Variants in TECTB observed in about 807,000 individuals in gnomAD.
TECTB encodes the protein beta-tectorin.
In TECTB, 45 loss-of-function variants were observed where a neutral mutation model predicts 43.3. The observed-to-expected ratio is 1.04, with a 90% CI of 0.82 to 1.33. The LOEUF (loss-of-function observed/expected upper bound fraction) is 1.33, where lower values mean the gene tolerates loss of function less well. Among genes scored for constraint, TECTB ranks in the 40% most tolerant of loss-of-function variants. TECTB has a pLI of 0.00. For synonymous variants in TECTB, 169 were observed against 156.7 expected (o/e 1.08, Z -0.59); for missense variants, 399 against 404.7 (o/e 0.99, Z 0.12).
chr10:112,291,096 A>G (rs552129610), intron 5 of TECTB, among the ~76,000 whole-genome samples: 63 of 152,172 alleles, frequency 4.1e-4, no homozygotes, highest in Non-Finnish European at 8.2e-4. Context: ...CTAGCAACCC[A>G]TCACCCAGGT....
intron 3 of TECTB, 138 bp downstream of exon 3, chr10:112,284,863 C>A (rs904828967): frequency 1.4e-6 from 1 of 706,116 alleles, no homozygotes; most frequent in Non-Finnish European, 2.1e-6. Flanking sequence ...TCCCAAATAT[C>A]CTGGAATGTT....
At chr10:112,286,857 G>A (rs920961999) in intron 5 of TECTB, among the ~76,000 whole-genome samples, 3 of 152,156 alleles carry the variant, frequency 2.0e-5, no homozygotes, top group African/African-American at 7.2e-5. Flanking sequence ...GGGAGGCGGA[G>A]GTTGCAGTGA....
Position 112,299,572 on chromosome 10 carries a change from TCTCTGTTTTC to T in TECTB, c.907+20_907+29del, listed in dbSNP as rs11279253. The T allele has an allele frequency of 0.59, 957,257 of 1,610,914 alleles. 286,362 individuals are homozygous for T. The highest frequency in any genetic ancestry group is 0.69 in the East Asian group (30,750 of 44,734). On this transcript the variant is annotated intron_variant, in intron 9 of 10. Transcript: ENST00000646139. ...TGGAGCTCTCCCTGCGGAGTAAGCG[TCTCTGTTTTC>T]CTCTGTTTTCCAAACGGTTGAGTTC...
intron 6 of TECTB, 62 bp from the exon 7 acceptor site, chr10:112,293,916 T>A: frequency 6.2e-7 from 1 of 1,606,512 alleles, no homozygotes; most frequent in Non-Finnish European, 8.5e-7. Flanking sequence ...TTTTTAATCA[T>A]CAGATGTTTG....
intron 10 of TECTB, chr10:112,302,334 G>A: frequency 1.9e-6 from 1 of 527,668 alleles, no homozygotes; most frequent in East Asian, 3.2e-5. Flanking sequence ...AGAGAGGGAG[G>A]AACCGAAGGT....
Position 112,284,568 on chromosome 10 carries a change from T to A in TECTB, c.110T>A (p.Ile37Asn). The change falls in exon 3 of 11, where the codon ATC becomes AAC. Residue 37 changes from isoleucine (I) to asparagine (N), a missense_variant. Transcript: ENST00000646139. ...VILVFCYPKT[I>N]ITKIPECPYG... Reference sequence around the variant, plus strand: ...CTTGTGTTTTGCTATCCCAAAACCATCATCACCAAAATCCCCGAGTGTCCC... The same window carrying A: ...CTTGTGTTTTGCTATCCCAAAACCAACATCACCAAAATCCCCGAGTGTCCC... 1 of 1,611,920 alleles carries A rather than the reference T, an allele frequency of 6.2e-7. No homozygotes were observed. The highest frequency in any genetic ancestry group is 8.5e-7 in the Non-Finnish European group (1 of 1,178,968).
intron 7 of TECTB, among the ~76,000 whole-genome samples, chr10:112,296,965 AC>A (rs1236855159): frequency 2.0e-5 from 3 of 152,046 alleles, no homozygotes; most frequent in African/African-American, 7.2e-5. Context: ...AGACCCTGCT[AC>A]CCCGTGCTAC....
Position 112,293,737 on chromosome 10 carries a change from G to C in TECTB, c.484-1G>C. ...TGCCCAGTGTCAATTTCCTTCCAAA[G>C]AATGCCAAGTTCTCCATCAAGAAAG... is the stretch of plus-strand genomic sequence containing the variant. On this transcript the variant is annotated splice_acceptor_variant, in intron 5 of 10. Transcript: ENST00000646139. LOFTEE classifies it high-confidence loss of function. 6.2e-7 allele frequency: 1 copy of C among 1,613,836 alleles called. No homozygotes were observed. Among genetic ancestry groups the C allele is most frequent in the Non-Finnish European group, 8.5e-7 (1 of 1,179,784 alleles).
Position 112,286,163 on chromosome 10 carries a change from C to T in TECTB, c.360C>T (p.Ser120=), listed in dbSNP as rs1404009004. Residue 120 remains serine, a synonymous_variant, in exon 4 of 11, where the codon TCC becomes TCT. Coordinates refer to ENST00000646139, the MANE Select transcript of TECTB (RefSeq NM_058222.3). ...ACCAGCCTGTCAACTACTCCTTCTC[C>T]TGCACCTACCACTCCACCTACTTGG... ...VKNQPVNYSF[S]CTYHSTYLVN... The T allele has an allele frequency of 6.2e-7, 1 of 1,614,078 alleles. No homozygotes were observed. The highest frequency in any genetic ancestry group is 8.5e-7 in the Non-Finnish European group (1 of 1,180,032).
intron 3 of TECTB, among the ~76,000 whole-genome samples, chr10:112,285,713 G>A (rs895508755): frequency 2.6e-5 from 4 of 152,188 alleles, no homozygotes; most frequent in Admixed American, 6.5e-5. Context: ...TTGGAGATGG[G>A]TGAAGCATTC....
chr10:112,302,386 T>C (rs974432599), intron 10 of TECTB: 22 of 437,200 alleles, frequency 5.0e-5, no homozygotes, highest in Admixed American at 3.7e-4. Flanking sequence ...CCCCAAGTCT[T>C]AGTAAAGCCA....
chr10:112,298,202 T>C lies in TECTB; in HGVS notation c.805T>C (p.Cys269Arg), dbSNP rs1256928448. Residue 269 changes from cysteine (C) to arginine (R), a missense_variant, in exon 8 of 11, where the codon TGC becomes CGC. Physicochemically the swap from Cys to Arg is radical, Grantham distance 180. Transcript: ENST00000646139. ...GTGGTTACACTGTGAGACGTTCATC[T>C]GCGACAGTGAGAAACTCTCCTGCCC... ...KVWLHCETFI[C>R]DSEKLSCPVT... The C allele has an allele frequency of 6.2e-7, 1 of 1,614,194 alleles. No homozygotes were observed. The highest frequency in any genetic ancestry group is 8.5e-7 in the Non-Finnish European group (1 of 1,180,006).
Position 112,286,156 on chromosome 10 carries a change from C to T in TECTB, c.353C>T (p.Ser118Phe), listed in dbSNP as rs1470883495. Residue 118 changes from serine to phenylalanine, a missense_variant, in exon 4 of 11, where the codon TCC becomes TTC. Transcript: ENST00000646139. ...VIVKNQPVNY[S>F]FSCTYHSTYL... ...GTAAAAAACCAGCCTGTCAACTACT[C>T]CTTCTCCTGCACCTACCACTCCACC... is the stretch of plus-strand genomic sequence containing the variant. 6.2e-7 allele frequency: 1 copy of T among 1,614,186 alleles called. No homozygotes were observed. Among genetic ancestry groups the T allele is most frequent in the East Asian group, 2.2e-5 (1 of 44,882 alleles).
Position 112,299,496 on chromosome 10 carries a change from G to A in TECTB, c.839G>A (p.Cys280Tyr), listed in dbSNP as rs148677379. ...TCTGCCTCTCTGGGTCTTCAGACCT[G>A]CGATAAACGGAAGCGCCTCCTGCGA... ...DSEKLSCPVT[C>Y]DKRKRLLRDQ... The change falls in exon 9 of 11, where the codon TGC (cysteine) becomes TAC (tyrosine). Residue 280 changes from cysteine (C) to tyrosine (Y), a missense_variant. Coordinates refer to ENST00000646139, the MANE Select transcript of TECTB (RefSeq NM_058222.3). The A allele has an allele frequency of 6.2e-7, 1 of 1,614,204 alleles. No individual in the cohort carries two copies. The highest frequency in any genetic ancestry group is 8.5e-7 in the Non-Finnish European group (1 of 1,180,032).
intron 5 of TECTB, 106 bp downstream of exon 5, chr10:112,286,497 C>A: frequency 8.3e-7 from 1 of 1,202,796 alleles, no homozygotes. Flanking sequence ...GTGCAGAGCC[C>A]CATTCTTAAA....
At chr10:112,296,444 C>G (rs980094498) in intron 7 of TECTB, among the ~76,000 whole-genome samples, 2 of 152,186 alleles carry the variant, frequency 1.3e-5, no homozygotes, top group African/African-American at 4.8e-5. Flanking sequence ...CTCCCCACCC[C>G]CTGACAAAGC....
chr10:112,283,527 TA>T, intron 1 of TECTB, 31 bp downstream of exon 1: 1 of 571,942 alleles, frequency 1.7e-6, no homozygotes, highest in Non-Finnish European at 3.1e-6. Flanking sequence ...CTCTCAGCGC[TA>T]ACAGGAAACA....
chr10:112,298,344 C>A, intron 8 of TECTB, 113 bp downstream of exon 8: 1 of 1,357,962 alleles, frequency 7.4e-7, no homozygotes, highest in Non-Finnish European at 1.0e-6. Flanking sequence ...GTGCTGAGGA[C>A]ATCTGGAGGA....
chr10:112,283,610 C>T (rs1289149647), intron 1 of TECTB, 38 bp from the exon 2 acceptor site: 12 of 822,940 alleles, frequency 1.5e-5, no homozygotes, highest in Non-Finnish European at 2.1e-5. Flanking sequence ...CTTTGTTCTT[C>T]CCTTGATTTT....
Sources: gnomAD v4.1 joint callset for allele counts (sites outside exome capture counted in the v4.1 genomes callset) on GRCh38, gnomAD v4.1.1 for gene constraint, MANE v1.5 for transcripts, NCBI Gene and HGNC (gene_info 2026-07-23, HGNC 2026-07-21) for gene names.